ADAMTS16: variants seen among roughly 807,000 people sequenced by gnomAD.
ADAMTS16 encodes the protein ADAM metallopeptidase with thrombospondin type 1 motif 16.
ADAMTS16 carries 94 observed loss-of-function variants against 145.8 expected under a neutral mutation model. That is an observed-to-expected ratio of 0.64 (90% CI 0.55 to 0.77). The LOEUF is 0.77. Among genes scored for constraint, ADAMTS16 ranks in the 30% least tolerant of loss-of-function variants. ADAMTS16 has a pLI of 0.00. For missense variants in ADAMTS16, 1,585 were observed against 1,591.5 expected, an observed-to-expected ratio of 1.00 and a Z score of 0.07; for synonymous variants, 659 against 604.3, an observed-to-expected ratio of 1.09 and a Z score of -1.33.
chr5:5,274,858 T>A (rs1560982172), intron 18 of ADAMTS16, among the ~76,000 whole-genome samples: 3 of 152,160 alleles, frequency 2.0e-5, no homozygotes, highest in African/African-American at 7.2e-5. Flanking sequence ...GTTAAATCAT[T>A]AAATTTTTCA....
intron 3 of ADAMTS16, among the ~76,000 whole-genome samples, chr5:5,162,694 A>G (rs1408031325): frequency 6.6e-6 from 1 of 152,030 alleles, no homozygotes; most frequent in African/African-American, 2.4e-5. Context: ...TCCCATGATT[A>G]TATGATTGAG....
chr5:5,179,796 T>G (rs989318947), intron 3 of ADAMTS16, among the ~76,000 whole-genome samples: 1 of 152,196 alleles, frequency 6.6e-6, no homozygotes, highest in Non-Finnish European at 1.5e-5. Context: ...CCAGGAGGTC[T>G]ACCCCCCATG....
At chr5:5,311,633 G>A (rs1036278909) in intron 21 of ADAMTS16, among the ~76,000 whole-genome samples, 7 of 148,914 alleles carry the variant, frequency 4.7e-5, no homozygotes, top group South Asian at 2.1e-4. Context: ...TGCAATTTCC[G>A]CCTCCCCAGT....
At chr5:5,160,012 G>A (rs1162157680) in intron 3 of ADAMTS16, among the ~76,000 whole-genome samples, 2 of 152,108 alleles carry the variant, frequency 1.3e-5, no homozygotes, top group Non-Finnish European at 2.9e-5. Context: ...GTTATCATTA[G>A]GTAATAAATA....
Position 5,146,435 on chromosome 5 carries a change from CT to C in ADAMTS16, c.484del (p.Ser162GlnfsTer9). The C allele has an allele frequency of 6.2e-7, 1 of 1,609,270 alleles. No individual in the cohort carries two copies. Among genetic ancestry groups the C allele is most frequent in the Non-Finnish European group, 8.5e-7 (1 of 1,179,340 alleles). On this transcript the variant is annotated frameshift_variant, in exon 3 of 23. Coordinates refer to ENST00000274181, the MANE Select transcript of ADAMTS16 (RefSeq NM_139056.4). LOFTEE classifies it high-confidence loss of function. ...LRSHRNSSVA[L>X]STCQGLSGMI... ...ATCACACAGAAACTCCTCAGTGGCC[CT>C]TTCAACCTGCCAAGGCTTGGTGAGT...
At chr5:5,299,180 TAG>T (rs1256030510) in intron 18 of ADAMTS16, among the ~76,000 whole-genome samples, 17 of 152,256 alleles carry the variant, frequency 1.1e-4, no homozygotes, top group Admixed American at 1.1e-3. Context: ...CTAGAATTCC[TAG>T]AGTTATTCTT....
chr5:5,209,700 T>A (rs184906087), intron 10 of ADAMTS16, among the ~76,000 whole-genome samples: 2 of 152,168 alleles, frequency 1.3e-5, no homozygotes, highest in Non-Finnish European at 2.9e-5. Context: ...TTGTCTCTCA[T>A]AGAAGGTAAT....
intron 10 of ADAMTS16, among the ~76,000 whole-genome samples, chr5:5,215,977 T>C (rs1489347011): frequency 1.3e-5 from 2 of 148,380 alleles, no homozygotes; most frequent in Non-Finnish European, 3.0e-5. Flanking sequence ...AATTTTGCAA[T>C]TGTAAATTGT....
At chr5:5,316,870 G>A (rs994628054) in intron 21 of ADAMTS16, among the ~76,000 whole-genome samples, 3 of 152,148 alleles carry the variant, frequency 2.0e-5, no homozygotes, top group Admixed American at 6.5e-5. Context: ...CTTCTTTCAC[G>A]CTAGGCTCAG....
chr5:5,262,530 G>A (rs1270506765), intron 17 of ADAMTS16, 127 bp from the exon 18 acceptor site: 3 of 1,321,958 alleles, frequency 2.3e-6, no homozygotes, highest in African/African-American at 2.9e-5. Context: ...TGGCCAGTTG[G>A]TCATTAACAC....
At chr5:5,205,277 G>A (rs1736067566) in intron 9 of ADAMTS16, among the ~76,000 whole-genome samples, 1 of 147,678 alleles carries the variant, frequency 6.8e-6, no homozygotes, top group Non-Finnish European at 1.5e-5. Flanking sequence ...TTATTAATGT[G>A]TCTTTAGGGT....
At chr5:5,216,788 G>A (rs1736452922) in intron 10 of ADAMTS16, among the ~76,000 whole-genome samples, 2 of 127,856 alleles carry the variant, frequency 1.6e-5, no homozygotes, top group Non-Finnish European at 3.1e-5. Context: ...CCCAGAGTGT[G>A]ATATTCCCCT....
Position 5,140,709 on chromosome 5 carries a change from C to G in ADAMTS16, c.118C>G (p.Pro40Ala), listed in dbSNP as rs1238485130. Residue 40 changes from proline to alanine, a missense_variant, in exon 2 of 23, where the codon CCG becomes GCG. This residue lies in a region of ADAMTS16 where 453 missense variants were observed against 412.1 expected (regional missense o/e 1.10). Coordinates refer to ENST00000274181, the MANE Select transcript of ADAMTS16 (RefSeq NM_139056.4). ...ACCCGCAGCGGCAGCGCCTGGGAGC[C>G]CGAGCGTCCCGCGTCCTCCTCCACC... Reference protein sequence around the residue: ...MGPAAAAPGSPSVPRPPPPAE... With the variant: ...MGPAAAAPGSASVPRPPPPAE... 6.4e-7 allele frequency: 1 copy of G among 1,568,532 alleles called. No individual in the cohort carries two copies. The highest frequency in any genetic ancestry group is 8.6e-7 in the Non-Finnish European group (1 of 1,159,212).
intron 10 of ADAMTS16, among the ~76,000 whole-genome samples, chr5:5,218,608 C>CT (rs1302179191): frequency 1.3e-5 from 2 of 152,222 alleles, no homozygotes; most frequent in Admixed American, 1.3e-4. Flanking sequence ...AGTGTGACAG[C>CT]TTTCTGTATC....
At chr5:5,190,785 G>T (rs1367773800) in intron 7 of ADAMTS16, among the ~76,000 whole-genome samples, 1 of 152,118 alleles carries the variant, frequency 6.6e-6, no homozygotes, top group African/African-American at 2.4e-5. Flanking sequence ...AGTTAACGTG[G>T]TGTCCCGGCT....
At chr5:5,187,689 T>C in intron 5 of ADAMTS16, 36 bp from the exon 6 acceptor site, 1 of 1,480,122 alleles carries the variant, frequency 6.8e-7, no homozygotes, top group South Asian at 1.1e-5. Context: ...GAAAATGCCA[T>C]TTATGGGGCT....
At chr5:5,299,815 C>T (rs1306892856) in intron 18 of ADAMTS16, among the ~76,000 whole-genome samples, 1 of 152,194 alleles carries the variant, frequency 6.6e-6, no homozygotes, top group East Asian at 1.9e-4. Flanking sequence ...AGTTGGTGGA[C>T]TTAGGAAAAC....
intron 3 of ADAMTS16, among the ~76,000 whole-genome samples, chr5:5,168,596 A>AAT (rs200651718): frequency 0.67 from 84,450 of 125,132 alleles, 29,298 homozygotes; most frequent in Middle Eastern, 0.85. Context: ...TATTATATAT[A>AAT]ATATATAATT....
chr5:5,166,551 C>T lies in ADAMTS16; in HGVS notation c.502-15493C>T, dbSNP rs80249375. ...CTGCGGGAGTCCTGGGCTGTATTCC[C>T]AGAGACAACGCTGCAAAGTTGTCAG... On this transcript the variant is annotated intron_variant, in intron 3 of 22. Coordinates refer to ENST00000274181, the MANE Select transcript of ADAMTS16 (RefSeq NM_139056.4). 3.2e-4 allele frequency among the ~76,000 whole-genome samples: 49 copies of T among 152,254 alleles called. No individual in the cohort carries two copies. In the East Asian group the frequency reaches 9.5e-3, roughly 29 times the overall value.
Sources: allele counts gnomAD v4.1 joint callset (sites outside exome capture counted in the v4.1 genomes callset), GRCh38; gene constraint gnomAD v4.1.1; regional missense constraint gnomAD v4.1.1; transcripts MANE v1.5; gene names NCBI Gene and HGNC (gene_info 2026-07-23, HGNC 2026-07-21).